The following SULF2 variants were observed in gnomAD, a reference collection of about 807,000 sequenced individuals.
SULF2 encodes the protein extracellular sulfatase Sulf-2.
In SULF2, 52 loss-of-function variants were observed where a neutral mutation model predicts 107.7. That is an observed-to-expected ratio of 0.48 (90% CI 0.39 to 0.61). SULF2 has a LOEUF of 0.61. Among genes scored for constraint, SULF2 ranks in the 20% least tolerant of loss-of-function variants. The pLI is 0.00. For missense variants in SULF2, 993 were observed against 1,177.3 expected (o/e 0.84, Z 2.29); for synonymous variants, 460 against 464.3 (o/e 0.99, Z 0.12).
chr20:47,708,406 G>A (rs1002315234), intron 3 of SULF2, among the ~76,000 whole-genome samples: 1 of 152,110 alleles, frequency 6.6e-6, no homozygotes, highest in African/African-American at 2.4e-5. Context: ...GGGGAAGAGG[G>A]GACAGATCCC....
At chr20:47,750,481 A>C (rs1471476092) in intron 2 of SULF2, among the ~76,000 whole-genome samples, 1 of 152,148 alleles carries the variant, frequency 6.6e-6, no homozygotes, top group East Asian at 1.9e-4. Flanking sequence ...CTATCATCTC[A>C]TGCCTGGACC....
chr20:47,754,162 C>G (rs186920219), intron 2 of SULF2, among the ~76,000 whole-genome samples: 1 of 152,264 alleles, frequency 6.6e-6, no homozygotes, highest in Non-Finnish European at 1.5e-5. Context: ...ACAGAACAAG[C>G]CCCTCGTCTT....
chr20:47,763,356 T>G (rs1304022238), intron 1 of SULF2, among the ~76,000 whole-genome samples: 1 of 152,192 alleles, frequency 6.6e-6, no homozygotes, highest in Non-Finnish European at 1.5e-5. Flanking sequence ...TGCCCTCACC[T>G]TCCCAATGCC....
chr20:47,658,452 C>T (rs1411945326), intron 20 of SULF2, 60 bp from the exon 21 acceptor site: 12 of 1,527,986 alleles, frequency 7.9e-6, no homozygotes, highest in Non-Finnish European at 1.1e-5. Flanking sequence ...TCATGACTTC[C>T]TAATCGGTCC....
intron 1 of SULF2, among the ~76,000 whole-genome samples, chr20:47,771,706 G>A (rs1426132365): frequency 1.3e-5 from 2 of 152,124 alleles, no homozygotes; most frequent in Admixed American, 1.3e-4. Context: ...GTGGCAGGAT[G>A]GGGCGGGGGC....
chr20:47,670,124 T>C (rs1057193774), intron 11 of SULF2, among the ~76,000 whole-genome samples: 7 of 152,230 alleles, frequency 4.6e-5, no homozygotes, highest in Admixed American at 4.6e-4. Context: ...AGGAGATCAC[T>C]GCGCCTGCCG....
chr20:47,676,506 C>G lies in SULF2; in HGVS notation c.1368G>C (p.Glu456Asp). 6.2e-7 allele frequency: 1 copy of G among 1,607,912 alleles called. No homozygotes were observed. The highest frequency in any genetic ancestry group is 1.1e-5 in the South Asian group (1 of 89,884). Residue 456 changes from glutamate (E) to aspartate (D), a missense_variant, in exon 10 of 21, where the codon GAG becomes GAC. Glu to Asp is a conservative substitution (Grantham distance 45, BLOSUM62 2). Transcript: ENST00000688720. ...GGAGCCTTCTTACCTGTCCCAGCTG[C>G]TCACACGCCGTCTGGTACTCAGCAC... ...CQRAEYQTACEQLGQKWQCVE... is the reference protein window; with the variant it reads ...CQRAEYQTACDQLGQKWQCVE...
At chr20:47,746,989 A>T (rs2090053055) in intron 2 of SULF2, among the ~76,000 whole-genome samples, 2 of 61,530 alleles carry the variant, frequency 3.3e-5, no homozygotes, top group Admixed American at 2.2e-4. Flanking sequence ...AAATAAAAAA[A>T]AAAAAATATA....
intron 3 of SULF2, among the ~76,000 whole-genome samples, chr20:47,735,718 A>G (rs2089712146): frequency 6.6e-6 from 1 of 152,210 alleles, no homozygotes; most frequent in East Asian, 1.9e-4. Flanking sequence ...GATTCTGGCT[A>G]TGGGATGAGG....
intron 10 of SULF2, among the ~76,000 whole-genome samples, chr20:47,674,695 A>G (rs1361911981): frequency 6.6e-6 from 1 of 152,076 alleles, no homozygotes; most frequent in African/African-American, 2.4e-5. Context: ...AACATCTACC[A>G]CGTGGGGTAG....
intron 3 of SULF2, among the ~76,000 whole-genome samples, chr20:47,707,503 T>G (rs911492170): frequency 6.6e-6 from 1 of 152,158 alleles, no homozygotes; most frequent in African/African-American, 2.4e-5. Context: ...AAAGTATGCC[T>G]GCTGCGAAAC....
chr20:47,731,182 C>CTTTTTTATTTTTTTTTTTTTTTTT, intron 3 of SULF2, among the ~76,000 whole-genome samples: 1 of 99,616 alleles, frequency 1.0e-5, no homozygotes. Context: ...TCACCTGTAT[C>CTTTTTTATTTTTTTTTTTTTTTTT]TTCTCTTTTT....
rs547062562 is a variant in SULF2, at chr20:47,707,329, C to T, written c.416-4659G>A. ...ATTCTTCTTTTTTCTCCATTTTCCCCGTGCCCCACTTCGCCCTTTAGAAAT... is the reference window on the plus strand; with the variant it reads ...ATTCTTCTTTTTTCTCCATTTTCCCTGTGCCCCACTTCGCCCTTTAGAAAT... On this transcript the variant is annotated intron_variant, in intron 3 of 20. Transcript: ENST00000688720. Among the ~76,000 whole-genome samples, 18 of 152,168 alleles carry T rather than the reference C, an allele frequency of 1.2e-4. No individual in the cohort carries two copies. In the South Asian group the frequency reaches 2.7e-3, roughly 23 times the overall value.
chr20:47,774,066 G>A (rs1034891168), intron 1 of SULF2, among the ~76,000 whole-genome samples: 9 of 152,204 alleles, frequency 5.9e-5, no homozygotes, highest in Admixed American at 1.3e-4. Context: ...GAAACAGCCC[G>A]ACACTTACAA....
chr20:47,674,407 T>C (rs2087573865), intron 10 of SULF2, among the ~76,000 whole-genome samples: 1 of 152,236 alleles, frequency 6.6e-6, no homozygotes, highest in Non-Finnish European at 1.5e-5. Context: ...GCAGTTTGCC[T>C]GAGCCCTGGG....
intron 1 of SULF2, among the ~76,000 whole-genome samples, chr20:47,783,757 C>A (rs879432628): frequency 1.3e-5 from 2 of 152,154 alleles, no homozygotes; most frequent in Admixed American, 1.3e-4. Context: ...AAGGAAGAGG[C>A]CTTCATGTAC....
chr20:47,700,206 C>T (rs368040218), intron 4 of SULF2, among the ~76,000 whole-genome samples: 1 of 152,156 alleles, frequency 6.6e-6, no homozygotes, highest in Non-Finnish European at 1.5e-5. Context: ...ATCATCTAAG[C>T]CAGGGGTCAG....
In SULF2 at chr20:47,663,089, A is replaced by T. The variant is rs1376039613; in HGVS notation, c.2351T>A (p.Leu784His). The change falls in exon 17 of 21, where the codon CTC (leucine) becomes CAC (histidine). Residue 784 changes from leucine to histidine, a missense_variant. Physicochemically the swap from Leu to His is moderately conservative, Grantham distance 99. Around this residue, in one of 3 missense-constraint regions of SULF2, gnomAD observed 497 missense variants for 544.1 expected, o/e 0.91. Transcript: ENST00000688720. ...FATGFLEYFD[L>H]NTDPYQLMNA... ...CTGTACCTGGTAGGGGTCTGTGTTG[A>T]GATCAAAGTACTCTAGGAAGCCAGT... 3.1e-6 allele frequency: 5 copies of T among 1,613,994 alleles called. No homozygotes were observed.
chr20:47,751,230 T>C (rs1600647047), intron 2 of SULF2, among the ~76,000 whole-genome samples: 1 of 152,192 alleles, frequency 6.6e-6, no homozygotes, highest in Non-Finnish European at 1.5e-5. Flanking sequence ...GTCACGAGCA[T>C]CTCTCTAACT....
Sources: gnomAD v4.1 joint callset for allele counts (sites outside exome capture counted in the v4.1 genomes callset) on GRCh38, gnomAD v4.1.1 for gene constraint, gnomAD v4.1.1 regional missense constraint, MANE v1.5 for transcripts, NCBI Gene and HGNC (gene_info 2026-07-23, HGNC 2026-07-21) for gene names.